The following INPP4B variants were observed in gnomAD, a reference collection of about 807,000 sequenced individuals.
INPP4B encodes inositol polyphosphate-4-phosphatase type II B.
INPP4B carries 55 observed loss-of-function variants against 122.5 expected under a neutral mutation model. That is an observed-to-expected ratio of 0.45 (90% confidence interval 0.36 to 0.56). INPP4B has a LOEUF of 0.56. INPP4B is among the 20% of genes least tolerant of loss of function. The pLI, the probability that INPP4B is intolerant of heterozygous loss-of-function variation, is 0.00. For synonymous variants in INPP4B, 403 were observed against 388.7 expected, an observed-to-expected ratio of 1.04 and a Z score of -0.43; for missense variants, 1,000 against 1,097.7, an observed-to-expected ratio of 0.91 and a Z score of 1.26.
chr4:142,819,763 C>G (rs1337434972), intron 1 of INPP4B, among the ~76,000 whole-genome samples: 1 of 152,056 alleles, frequency 6.6e-6, no homozygotes, highest in African/African-American at 2.4e-5. Context: ...GGCCACCTCA[C>G]CAGGGAAGTT....
At chr4:142,192,787 A>T (rs1049343867) in intron 15 of INPP4B, among the ~76,000 whole-genome samples, 3 of 152,174 alleles carry the variant, frequency 2.0e-5, no homozygotes, top group African/African-American at 7.2e-5. Context: ...ATTTCTAGCT[A>T]AATCTCTGAA....
chr4:142,781,484 A>T (rs1307850916), intron 1 of INPP4B, among the ~76,000 whole-genome samples: 2 of 152,172 alleles, frequency 1.3e-5, no homozygotes, highest in Non-Finnish European at 2.9e-5. Flanking sequence ...TATGGAATGG[A>T]TCATCTTAAG....
intron 2 of INPP4B, among the ~76,000 whole-genome samples, chr4:142,566,770 C>G (rs1330695520): frequency 6.6e-6 from 1 of 152,162 alleles, no homozygotes; most frequent in Non-Finnish European, 1.5e-5. Context: ...TATTGGGACT[C>G]TCCAGGAGGT....
At chr4:142,072,295 T>C (rs944444713) in intron 25 of INPP4B, among the ~76,000 whole-genome samples, 14 of 151,636 alleles carry the variant, frequency 9.2e-5, no homozygotes, top group Admixed American at 9.2e-4. Flanking sequence ...ATGAGAACAC[T>C]TGGACACAGG....
At position 142,209,023 on chromosome 4, in the gene INPP4B, G is replaced by C. The variant is rs767784380; in HGVS notation, c.840C>G (p.Asn280Lys). 7.5e-6 allele frequency: 12 copies of C among 1,598,694 alleles called. No homozygotes were observed. Among genetic ancestry groups the C allele is most frequent in the Non-Finnish European group, 1.0e-5 (12 of 1,170,444 alleles). The change falls in exon 13 of 26, where the codon AAC (asparagine) becomes AAG (lysine). Residue 280 changes from asparagine (N) to lysine (K), a missense_variant. By Grantham distance (94) the Asn-to-Lys change is moderately conservative (BLOSUM62 0). Transcript: ENST00000262992. ...SLHIKEDLCR[N>K]QEIKELGELS... ...GCTCACCAAGTTCTTTTATCTCCTG[G>C]TTTCTGTTAAGAGTGGAAGAGAAGA...
At chr4:142,182,600 CTCAACATGA>C (rs1396980901) in intron 15 of INPP4B, among the ~76,000 whole-genome samples, 3 of 148,078 alleles carry the variant, frequency 2.0e-5, no homozygotes, top group African/African-American at 7.5e-5. Context: ...ACAGCACGGA[CTCAACATGA>C]TTATTTTCTT....
Position 142,739,864 on chromosome 4 carries a change from G to A in INPP4B, c.-253-13963C>T, listed in dbSNP as rs150150953. Among the ~76,000 whole-genome samples the A allele has an allele frequency of 1.1e-4, 17 of 151,894 alleles. No homozygotes were observed. In the East Asian group the frequency reaches 3.1e-3, roughly 28 times the overall value. On this transcript the variant is annotated intron_variant, in intron 1 of 25. Coordinates refer to ENST00000262992, the MANE Select transcript of INPP4B (RefSeq NM_001101669.3). The stretch of plus-strand genomic sequence containing the variant: ...GAGCCTTTGCTCAAACTAATCACTT[G>A]GTATTTCTTTCACATATATATTATT...
chr4:142,689,486 A>G (rs1251457925), intron 2 of INPP4B, among the ~76,000 whole-genome samples: 3 of 152,188 alleles, frequency 2.0e-5, no homozygotes, highest in African/African-American at 7.2e-5. Flanking sequence ...GATTTCAACA[A>G]TCAGTGCTGA....
At chr4:142,544,911 A>C (rs928550900) in intron 2 of INPP4B, among the ~76,000 whole-genome samples, 12 of 152,318 alleles carry the variant, frequency 7.9e-5, no homozygotes, top group Admixed American at 5.9e-4. Context: ...TCAACCAGTA[A>C]TGGGGAAAAA....
intron 23 of INPP4B, among the ~76,000 whole-genome samples, chr4:142,103,382 A>T (rs1318890252): frequency 1.3e-5 from 2 of 152,102 alleles, no homozygotes; most frequent in African/African-American, 4.8e-5. Flanking sequence ...GAAATTAGTT[A>T]TCTATAAAAT....
At chr4:142,790,233 G>C (rs1327941836) in intron 1 of INPP4B, among the ~76,000 whole-genome samples, 1 of 151,930 alleles carries the variant, frequency 6.6e-6, no homozygotes. Flanking sequence ...AAATTGCTGG[G>C]ACTTAATTAA....
At chr4:142,233,985 T>C (rs6846839) in intron 12 of INPP4B, among the ~76,000 whole-genome samples, 21,313 of 152,074 alleles carry the variant, frequency 0.14, 1,815 homozygotes, top group African/African-American at 0.24. Context: ...CCCTATATAA[T>C]AATGTAAAGC....
intron 2 of INPP4B, among the ~76,000 whole-genome samples, chr4:142,573,133 G>A (rs757592146): frequency 5.3e-5 from 8 of 151,464 alleles, no homozygotes; most frequent in African/African-American, 7.3e-5. Flanking sequence ...GTGGAGCAGG[G>A]GAGAGAGAGA....
chr4:142,586,341 C>T (rs1034247263), intron 2 of INPP4B, among the ~76,000 whole-genome samples: 3 of 151,886 alleles, frequency 2.0e-5, no homozygotes, highest in Non-Finnish European at 4.4e-5. Context: ...AAAACAACAA[C>T]AACAACGACA....
At chr4:142,476,089 G>C (rs1819734011) in intron 2 of INPP4B, among the ~76,000 whole-genome samples, 1 of 152,148 alleles carries the variant, frequency 6.6e-6, no homozygotes, top group Non-Finnish European at 1.5e-5. Context: ...AAGGCAGTTA[G>C]AGAGAAGGGA....
At chr4:142,310,128 T>G (rs908935967) in intron 8 of INPP4B, among the ~76,000 whole-genome samples, 6 of 151,990 alleles carry the variant, frequency 3.9e-5, no homozygotes, top group Middle Eastern at 3.2e-3. Context: ...AGCACAGGTT[T>G]TTTTTTTTTT....
chr4:142,840,052 G>C (rs1783289795), intron 1 of INPP4B, among the ~76,000 whole-genome samples: 1 of 152,134 alleles, frequency 6.6e-6, no homozygotes, highest in Admixed American at 6.5e-5. Flanking sequence ...TAATTATTCA[G>C]TCAAAGGCAA....
chr4:142,757,445 C>A (rs1000128621), intron 1 of INPP4B, among the ~76,000 whole-genome samples: 1 of 152,150 alleles, frequency 6.6e-6, no homozygotes, highest in Non-Finnish European at 1.5e-5. Flanking sequence ...TTCATCCCTT[C>A]TTCCCTGAAA....
intron 1 of INPP4B, among the ~76,000 whole-genome samples, chr4:142,788,933 G>T (rs1030788896): frequency 6.6e-6 from 1 of 151,920 alleles, no homozygotes; most frequent in South Asian, 2.1e-4. Context: ...TTTAACATAC[G>T]CAAGTCAATA....
Sources: allele counts gnomAD v4.1 joint callset (sites outside exome capture counted in the v4.1 genomes callset), GRCh38; gene constraint gnomAD v4.1.1; transcripts MANE v1.5; gene names NCBI Gene and HGNC (gene_info 2026-07-23, HGNC 2026-07-21).